MAN1A2: variants seen among roughly 807,000 people sequenced by gnomAD.
MAN1A2 encodes mannosyl-oligosaccharide 1,2-alpha-mannosidase IB.
Under a neutral mutation model 75.7 loss-of-function variants are expected in MAN1A2, and 26 were observed. That is an observed-to-expected ratio of 0.34 (90% CI 0.25 to 0.48). The LOEUF (loss-of-function observed/expected upper bound fraction) is 0.48, where lower values mean the gene tolerates loss of function less well. Ranked by LOEUF, MAN1A2 falls within the 20% of genes least tolerant of loss-of-function variation. The pLI is 0.99. For synonymous variants in MAN1A2, 247 were observed against 264.6 expected, an observed-to-expected ratio of 0.93 and a Z score of 0.65; for missense variants, 562 against 775.5, an observed-to-expected ratio of 0.72 and a Z score of 3.27.
At chr1:117,423,049 G>A (rs1269785026) in intron 5 of MAN1A2, among the ~76,000 whole-genome samples, 1 of 152,060 alleles carries the variant, frequency 6.6e-6, no homozygotes, top group Non-Finnish European at 1.5e-5. Context: ...TACTTTATTT[G>A]TACTTTTAAG....
chr1:117,497,127 G>T, intron 10 of MAN1A2, 145 bp downstream of exon 10: 4 of 561,966 alleles, frequency 7.1e-6, no homozygotes, highest in South Asian at 3.0e-5. Flanking sequence ...TTAAGAACTT[G>T]AATTTTAATT....
chr1:117,380,699 G>C (rs1653303929), intron 1 of MAN1A2, among the ~76,000 whole-genome samples: 1 of 152,156 alleles, frequency 6.6e-6, no homozygotes, highest in East Asian at 1.9e-4. Context: ...TGGGTTTCTG[G>C]ACATTCAGTT....
intron 3 of MAN1A2, among the ~76,000 whole-genome samples, chr1:117,411,762 C>T (rs1433852794): frequency 1.3e-5 from 2 of 151,740 alleles, no homozygotes; most frequent in Non-Finnish European, 3.0e-5. Flanking sequence ...GTAAAATTCA[C>T]ACCACAATGG....
At chr1:117,416,593 A>G (rs1291986909) in intron 4 of MAN1A2, among the ~76,000 whole-genome samples, 2 of 152,150 alleles carry the variant, frequency 1.3e-5, no homozygotes, top group East Asian at 3.9e-4. Context: ...TATTTTAACT[A>G]GAGGATTTAA....
At chr1:117,502,550 G>T (rs1007713883) in intron 11 of MAN1A2, among the ~76,000 whole-genome samples, 4 of 151,508 alleles carry the variant, frequency 2.6e-5, no homozygotes, top group African/African-American at 7.3e-5. Context: ...CCTTTATTTT[G>T]CCAGACAGAC....
chr1:117,455,862 CAAATT>C (rs1317518869), intron 6 of MAN1A2, among the ~76,000 whole-genome samples: 5 of 151,204 alleles, frequency 3.3e-5, no homozygotes, highest in South Asian at 4.2e-4. Flanking sequence ...CATATCCTCT[CAAATT>C]AAATGAAAAT....
chr1:117,507,888 G>T (rs555435215), intron 12 of MAN1A2, among the ~76,000 whole-genome samples: 1 of 151,766 alleles, frequency 6.6e-6, no homozygotes, highest in East Asian at 1.9e-4. Context: ...TTATTCATTG[G>T]ATTCAGTGAA....
chr1:117,418,184 C>G (rs971465042), intron 4 of MAN1A2, among the ~76,000 whole-genome samples: 1 of 152,106 alleles, frequency 6.6e-6, no homozygotes, highest in East Asian at 1.9e-4. Flanking sequence ...ACACATTTAT[C>G]AAATGCAACA....
At chr1:117,371,932 G>C (rs559621091) in intron 1 of MAN1A2, among the ~76,000 whole-genome samples, 110 of 150,526 alleles carry the variant, frequency 7.3e-4, no homozygotes, top group Non-Finnish European at 1.3e-3. Flanking sequence ...GACGGGGGCG[G>C]GCATGTGCCA....
chr1:117,415,564 C>T (rs763253652), intron 4 of MAN1A2, among the ~76,000 whole-genome samples: 36 of 152,048 alleles, frequency 2.4e-4, no homozygotes, highest in Admixed American at 7.2e-4. Flanking sequence ...AGAATTTGGA[C>T]GTATCTCAAA....
chr1:117,475,400 A>T (rs926447823), intron 8 of MAN1A2, among the ~76,000 whole-genome samples: 3 of 151,158 alleles, frequency 2.0e-5, no homozygotes, highest in Non-Finnish European at 1.5e-5. Flanking sequence ...TGAAGTTGTG[A>T]GGTACATGCC....
chr1:117,385,002 T>C (rs546726087), intron 1 of MAN1A2, among the ~76,000 whole-genome samples: 1 of 152,250 alleles, frequency 6.6e-6, no homozygotes, highest in Admixed American at 6.5e-5. Context: ...AAATTTTGGT[T>C]TACTTACTGA....
intron 6 of MAN1A2, among the ~76,000 whole-genome samples, chr1:117,443,353 G>A (rs1649107465): frequency 6.6e-6 from 1 of 152,068 alleles, no homozygotes; most frequent in South Asian, 2.1e-4. Context: ...TACCTCTTTG[G>A]TGAGGAAAAA....
chr1:117,374,767 A>G (rs951467043), intron 1 of MAN1A2, among the ~76,000 whole-genome samples: 3 of 152,180 alleles, frequency 2.0e-5, no homozygotes, highest in African/African-American at 7.2e-5. Context: ...TTTCTAGCTC[A>G]TGCATATGAA....
Position 117,525,132 on chromosome 1 carries a change from G to A in MAN1A2, c.*2175G>A, listed in dbSNP as rs41310116. 5.9e-4 allele frequency: 311 copies of A among 528,852 alleles called. No homozygotes were observed. The highest frequency in any genetic ancestry group is 1.0e-3 in the Non-Finnish European group (271 of 258,128). The allele number at this position is 528,852 out of a possible 1,614,324, so 32.8% of individuals were successfully genotyped here. On this transcript the variant is annotated 3_prime_UTR_variant, in exon 13 of 13. Coordinates refer to ENST00000356554, the MANE Select transcript of MAN1A2 (RefSeq NM_006699.5). ...GGAGACAGAACCCCTACTTCCAAGT[G>A]CTCTATTTGTATTACCCAGATGACT... is the stretch of plus-strand genomic sequence containing the variant.
intron 8 of MAN1A2, among the ~76,000 whole-genome samples, chr1:117,468,780 A>G (rs1048223869): frequency 6.6e-6 from 1 of 152,176 alleles, no homozygotes; most frequent in Non-Finnish European, 1.5e-5. Flanking sequence ...TGACATAGAT[A>G]AATGACATAT....
intron 6 of MAN1A2, among the ~76,000 whole-genome samples, chr1:117,453,210 A>G (rs764667422): frequency 6.6e-6 from 1 of 152,158 alleles, no homozygotes; most frequent in Non-Finnish European, 1.5e-5. Flanking sequence ...ATGCCTGCCA[A>G]CATCCATTCT....
At chr1:117,450,848 G>A (rs1406184929) in intron 6 of MAN1A2, among the ~76,000 whole-genome samples, 2 of 152,220 alleles carry the variant, frequency 1.3e-5, no homozygotes, top group Admixed American at 6.5e-5. Context: ...GGAAATACCT[G>A]CCTGTCCAGG....
rs1200554541 is a variant in MAN1A2, at chr1:117,458,514, T to TAG, written c.951-1974_951-1973insGA. ...ATATATATCTATATATATATATAGA[T>TAG]ATATATATATTTTTTTTTTTTTTTT... On this transcript the variant is annotated intron_variant, in intron 6 of 12. Coordinates refer to ENST00000356554, the MANE Select transcript of MAN1A2 (RefSeq NM_006699.5). Among the ~76,000 whole-genome samples the TAG allele has an allele frequency of 2.3e-4, 23 of 98,908 alleles. 1 individual carries two copies. The South Asian group carries it at 3.0e-3, about 13-fold the overall frequency. The allele number at this position is 98,908 out of a possible 152,430, so 64.9% of individuals were successfully genotyped here.
Sources: allele counts gnomAD v4.1 joint callset (sites outside exome capture counted in the v4.1 genomes callset), GRCh38; gene constraint gnomAD v4.1.1; transcripts MANE v1.5; gene names NCBI Gene and HGNC (gene_info 2026-07-23, HGNC 2026-07-21).